The following RBAK variants were observed in gnomAD, a reference collection of about 807,000 sequenced individuals.
RBAK encodes RB-associated KRAB zinc finger protein.
In RBAK, 39 loss-of-function variants were observed where a neutral mutation model predicts 65.8. That is an observed-to-expected ratio of 0.59 (90% CI 0.46 to 0.77). RBAK has a LOEUF of 0.77. Among genes scored for constraint, RBAK ranks in the 30% least tolerant of loss-of-function variants. RBAK has a pLI of 0.00. For missense variants in RBAK, 884 were observed against 855.1 expected (o/e 1.03, Z -0.42); for synonymous variants, 343 against 289.7 (o/e 1.18, Z -1.87).
In RBAK at chr7:5,064,728, G is replaced by A. The variant is rs12668616; in HGVS notation, c.1272G>A (p.Thr424=). The change falls in exon 5 of 5, where the codon ACG becomes ACA. Residue 424 remains threonine, a synonymous_variant. Coordinates refer to ENST00000396912, the MANE Select transcript of RBAK (RefSeq NM_021163.4). The surrounding 1 kb of genome is among the most constrained non-coding windows in gnomAD (Gnocchi z 6.3). The part of the protein sequence containing the change: ...STLITHQRTH[T]GEKPYQCSEC... The stretch of plus-strand genomic sequence containing the variant: ...TGATTACACATCAGAGAACACACAC[G>A]GGAGAGAAGCCCTATCAGTGTAGCG... 0.13 allele frequency: 214,826 copies of A among 1,613,482 alleles called. 17,245 individuals carry two copies. The highest frequency in any genetic ancestry group is 0.39 in the East Asian group (17,335 of 44,846).
chr7:5,050,232 A>G (rs1252139246), intron 2 of RBAK, among the ~76,000 whole-genome samples: 1 of 152,248 alleles, frequency 6.6e-6, no homozygotes, highest in Non-Finnish European at 1.5e-5. Context: ...TTCCTATATT[A>G]TGTCTCTTGC....
rs1787965795 is a variant in RBAK, at chr7:5,045,944, C to G, written c.-497C>G. ...CCTCCAGTGGACGAGAATCGCGGAG[C>G]CTGCGGGGCTGGAGGTTGAGCGCCC... On this transcript the variant is annotated 5_prime_UTR_variant, in exon 1 of 5. Transcript: ENST00000396912. 2 of 334,786 alleles carry G rather than the reference C, an allele frequency of 6.0e-6. No individual in the cohort carries two copies. Among genetic ancestry groups the G allele is most frequent in the East Asian group, 1.5e-4 (1 of 6,800 alleles). 20.7% of individuals were successfully genotyped at this position (334,786 alleles called of 1,614,324 possible).
At position 5,068,014 on chromosome 7, in the gene RBAK, A is replaced by C. The variant is rs1329389010; in HGVS notation, c.*2413A>C. 2 of 152,216 alleles carry C rather than the reference A, an allele frequency of 1.3e-5. No individual in the cohort carries two copies. The highest frequency in any genetic ancestry group is 2.9e-5 in the Non-Finnish European group (2 of 68,040). The allele number at this position is 152,216 out of a possible 1,614,324, so 9.4% of individuals were successfully genotyped here. A position where few individuals can be genotyped will look rare whatever the true frequency, so the allele number is the denominator to read the frequency against. Reference sequence around the variant, plus strand: ...AGACCCAAAAAGCATTAACCCATAAAATTAGAACTTAATATTAAATTTGAG... The same window carrying C: ...AGACCCAAAAAGCATTAACCCATAACATTAGAACTTAATATTAAATTTGAG... On this transcript the variant is annotated 3_prime_UTR_variant, in exon 5 of 5. Coordinates refer to ENST00000396912, the MANE Select transcript of RBAK (RefSeq NM_021163.4).
At chr7:5,056,434 T>G (rs1258146405) in intron 2 of RBAK, among the ~76,000 whole-genome samples, 2 of 152,032 alleles carry the variant, frequency 1.3e-5, no homozygotes, top group Non-Finnish European at 2.9e-5. Context: ...ACTTAAAAAT[T>G]GAAGCTGCTT....
chr7:5,065,468 G>A lies in RBAK; in HGVS notation c.2012G>A (p.Arg671Lys). ...AAGTCATACCTCACTGTACACTATA[G>A]AACTCATTCAGGAGAGAAACCCTAT... ...SQKSYLTVHY[R>K]THSGEKPYEC... The change falls in exon 5 of 5, where the codon AGA (arginine) becomes AAA (lysine). Residue 671 changes from arginine (R) to lysine (K), a missense_variant. Coordinates refer to ENST00000396912, the MANE Select transcript of RBAK (RefSeq NM_021163.4). The surrounding 1 kb of genome is among the most constrained non-coding windows in gnomAD (Gnocchi z 5.3). The A allele has an allele frequency of 6.2e-7, 1 of 1,606,582 alleles. No individual in the cohort carries two copies. The highest frequency in any genetic ancestry group is 8.5e-7 in the Non-Finnish European group (1 of 1,173,704).
chr7:5,055,481 A>G (rs187425465), intron 2 of RBAK, among the ~76,000 whole-genome samples: 1 of 152,096 alleles, frequency 6.6e-6, no homozygotes, highest in East Asian at 1.9e-4. Flanking sequence ...TTTTTCTGTC[A>G]AGCTTTTTCA....
chr7:5,052,229 C>A (rs1358183065), intron 2 of RBAK, among the ~76,000 whole-genome samples: 1 of 152,040 alleles, frequency 6.6e-6, no homozygotes. Flanking sequence ...TTACTTATAA[C>A]GTATTTGCAT....
Position 5,064,653 on chromosome 7 carries a change from G to C in RBAK, c.1197G>C (p.Lys399Asn). ...SDHQRTHTGE[K>N]LYKCNECGKS... ...ATCAGAGAACTCACACGGGAGAGAAGCTTTATAAATGTAATGAATGTGGGA... is the reference window on the plus strand; with the variant it reads ...ATCAGAGAACTCACACGGGAGAGAACCTTTATAAATGTAATGAATGTGGGA... Residue 399 changes from lysine to asparagine, a missense_variant, in exon 5 of 5, where the codon AAG (lysine) becomes AAC (asparagine). By Grantham distance (94) the Lys-to-Asn change is moderately conservative (BLOSUM62 0). Transcript: ENST00000396912. The surrounding 1 kb of genome is among the most constrained non-coding windows in gnomAD (Gnocchi z 6.3). 6.2e-7 allele frequency: 1 copy of C among 1,611,980 alleles called. No homozygotes were observed. Among genetic ancestry groups the C allele is most frequent in the Non-Finnish European group, 8.5e-7 (1 of 1,178,386 alleles).
chr7:5,056,288 A>G (rs1412299282), intron 2 of RBAK, among the ~76,000 whole-genome samples: 2 of 149,514 alleles, frequency 1.3e-5, no homozygotes, highest in African/African-American at 4.9e-5. Context: ...TTTTTTTTTA[A>G]TTTATTTTTA....
intron 2 of RBAK, among the ~76,000 whole-genome samples, chr7:5,053,698 C>A (rs1482078719): frequency 6.6e-6 from 1 of 152,148 alleles, no homozygotes; most frequent in Non-Finnish European, 1.5e-5. Context: ...CTGTTGCTGT[C>A]TTTATATTCA....
At position 5,064,037 on chromosome 7, in the gene RBAK, T is replaced by G. The variant is rs1460734023; in HGVS notation, c.581T>G (p.Ile194Ser). ...ACCTATTCTCACAATGAAGAAAATA[T>G]TCTTCAGAAAATTAGTATTTTGGAG... ...GDTYSHNEEN[I>S]LQKISILEKP... The change falls in exon 5 of 5, where the codon ATT (isoleucine) becomes AGT (serine). Residue 194 changes from isoleucine (I) to serine (S), a missense_variant. Coordinates refer to ENST00000396912, the MANE Select transcript of RBAK (RefSeq NM_021163.4). The surrounding 1 kb of genome is among the most constrained non-coding windows in gnomAD (Gnocchi z 6.3). The G allele has an allele frequency of 1.2e-5, 19 of 1,613,224 alleles. No individual in the cohort carries two copies. The highest frequency in any genetic ancestry group is 1.6e-5 in the Non-Finnish European group (19 of 1,179,782).
rs769932705 is a variant in RBAK at position 5,064,882 on chromosome 7, C to T, written c.1426C>T (p.Arg476Trp). ...FNLNSAFIRHRKVHTEEKSHE... is the reference protein window; with the variant it reads ...FNLNSAFIRHWKVHTEEKSHE... ...TTTAAATTCAGCCTTCATTAGACAT[C>T]GGAAAGTACACACAGAAGAGAAATC... The change falls in exon 5 of 5, where the codon CGG (arginine) becomes TGG (tryptophan). Residue 476 changes from arginine to tryptophan, a missense_variant. Physicochemically the swap from Arg to Trp is moderately radical, Grantham distance 101. Transcript: ENST00000396912. This position sits in a 1 kb window ranked among gnomAD's most constrained non-coding sequence, Gnocchi z 6.3. The T allele has an allele frequency of 3.3e-5, 53 of 1,613,582 alleles. No homozygotes were observed. The highest frequency in any genetic ancestry group is 1.3e-4 in the Admixed American group (8 of 59,974).
rs1430231427 is a variant in RBAK, at chr7:5,067,708, G to A, written c.*2107G>A. ...TTATAAAGCCATAGAAATAATGAAGGTGTTAATTTGGCACAAGGATGAAAA... is the reference window on the plus strand; with the variant it reads ...TTATAAAGCCATAGAAATAATGAAGATGTTAATTTGGCACAAGGATGAAAA... On this transcript the variant is annotated 3_prime_UTR_variant, in exon 5 of 5. Coordinates refer to ENST00000396912, the MANE Select transcript of RBAK (RefSeq NM_021163.4). 3 of 152,180 alleles carry A rather than the reference G, an allele frequency of 2.0e-5. No homozygotes were observed. In the East Asian group the frequency reaches 5.8e-4, roughly 29 times the overall value. 9.4% of individuals were successfully genotyped at this position (152,180 alleles called of 1,614,324 possible). A position where few individuals can be genotyped will look rare whatever the true frequency, so the allele number is the denominator to read the frequency against.
rs1432937651 is a variant in RBAK, at chr7:5,064,066, C to A, written c.610C>A (p.Pro204Thr). The A allele has an allele frequency of 2.5e-6, 4 of 1,613,342 alleles. No individual in the cohort carries two copies. The highest frequency in any genetic ancestry group is 3.4e-6 in the Non-Finnish European group (4 of 1,179,846). ...ILQKISILEK[P>T]FEYNECMEAL... ...TCAGAAAATTAGTATTTTGGAGAAA[C>A]CCTTTGAATATAATGAATGCATGGA... is the stretch of plus-strand genomic sequence containing the variant. Residue 204 changes from proline (P) to threonine (T), a missense_variant, in exon 5 of 5, where the codon CCC becomes ACC. Coordinates refer to ENST00000396912, the MANE Select transcript of RBAK (RefSeq NM_021163.4). The surrounding 1 kb of genome is among the most constrained non-coding windows in gnomAD (Gnocchi z 6.3).
At chr7:5,059,627 T>C (rs1200228011) in intron 4 of RBAK, among the ~76,000 whole-genome samples, 1 of 152,248 alleles carries the variant, frequency 6.6e-6, no homozygotes, top group Non-Finnish European at 1.5e-5. Flanking sequence ...ACATTTGAAC[T>C]GAAAAGGTTA....
chr7:5,049,247 C>T (rs1788063095), intron 2 of RBAK, among the ~76,000 whole-genome samples: 1 of 152,102 alleles, frequency 6.6e-6, no homozygotes, highest in African/African-American at 2.4e-5. Flanking sequence ...CTGCCTGCTG[C>T]CCAAGGAGAA....
At chr7:5,063,557 A>C in intron 4 of RBAK, 138 bp from the exon 5 acceptor site, 1 of 624,330 alleles carries the variant, frequency 1.6e-6, no homozygotes. Flanking sequence ...AGAACTATGC[A>C]TTTGTAATTA....
At chr7:5,051,855 G>T (rs1377431620) in intron 2 of RBAK, among the ~76,000 whole-genome samples, 1 of 152,182 alleles carries the variant, frequency 6.6e-6, no homozygotes, top group African/African-American at 2.4e-5. Flanking sequence ...TGAGAAGATG[G>T]CTTGTTCTGC....
Position 5,068,002 on chromosome 7 carries a change from A to T in RBAK, c.*2401A>T, listed in dbSNP as rs1779262353. ...AAAGGTTTATTGAGACCCAAAAAGC[A>T]TTAACCCATAAAATTAGAACTTAAT... On this transcript the variant is annotated 3_prime_UTR_variant, in exon 5 of 5. Coordinates refer to ENST00000396912, the MANE Select transcript of RBAK (RefSeq NM_021163.4). 6.6e-6 allele frequency: 1 copy of T among 152,230 alleles called. No homozygotes were observed. Among genetic ancestry groups the T allele is most frequent in the South Asian group, 2.1e-4 (1 of 4,830 alleles). The allele number at this position is 152,230 out of a possible 1,614,324, so 9.4% of individuals were successfully genotyped here. A position where few individuals can be genotyped will look rare whatever the true frequency, so the allele number is the denominator to read the frequency against.
Sources: gnomAD v4.1 joint callset for allele counts (sites outside exome capture counted in the v4.1 genomes callset) on GRCh38, gnomAD v4.1.1 for gene constraint, Gnocchi (gnomAD v3.1) non-coding constraint, MANE v1.5 for transcripts, NCBI Gene and HGNC (gene_info 2026-07-23, HGNC 2026-07-21) for gene names.